NDUFAF6: variants seen among roughly 807,000 people sequenced by gnomAD.
The protein encoded by NDUFAF6 is NADH:ubiquinone oxidoreductase complex assembly factor 6.
Under a neutral mutation model 40.8 loss-of-function variants are expected in NDUFAF6, and 45 were observed. The ratio of observed to expected loss-of-function variants is 1.10; its 90% CI spans 0.87 to 1.42. The LOEUF (loss-of-function observed/expected upper bound fraction) is 1.42. Ranked by LOEUF, NDUFAF6 falls within the 40% of genes most tolerant of loss-of-function variation. The pLI, the probability that NDUFAF6 is intolerant of heterozygous loss-of-function variation, is 0.00. For synonymous variants in NDUFAF6, 185 were observed against 155.9 expected (o/e 1.19, Z -1.39); for missense variants, 435 against 418.5 (o/e 1.04, Z -0.34).
intron 8 of NDUFAF6, among the ~76,000 whole-genome samples, chr8:95,053,384 TATCTGATGGATATACC>T (rs1307150886): frequency 6.6e-6 from 1 of 152,208 alleles, no homozygotes; most frequent in Admixed American, 6.5e-5. Context: ...GTTTAGTGGT[TATCTGATGGATATACC>T]ATCAGCTGTT....
chr8:95,101,594 A>G (rs1809650469), intron 2 of NDUFAF6, among the ~76,000 whole-genome samples: 1 of 152,168 alleles, frequency 6.6e-6, no homozygotes, highest in African/African-American at 2.4e-5. Context: ...AAATTATATT[A>G]CAGTCATATA....
intron 2 of NDUFAF6, among the ~76,000 whole-genome samples, chr8:94,994,561 C>T (rs949894609): frequency 2.1e-4 from 32 of 151,770 alleles, no homozygotes; most frequent in East Asian, 1.9e-4. Flanking sequence ...AGATGGACTT[C>T]GGTGGCTCAT....
chr8:95,092,410 G>A (rs1441784183), intron 2 of NDUFAF6, among the ~76,000 whole-genome samples: 1 of 151,740 alleles, frequency 6.6e-6, no homozygotes, highest in African/African-American at 2.4e-5. Context: ...TTGAACTCCT[G>A]ATCTCAAGTG....
At chr8:95,033,665 G>A (rs1468743070) in intron 2 of NDUFAF6, among the ~76,000 whole-genome samples, 1 of 152,200 alleles carries the variant, frequency 6.6e-6, no homozygotes, top group Non-Finnish European at 1.5e-5. Context: ...CCTATTTTAT[G>A]TAGGATGGTT....
intron 1 of NDUFAF6, among the ~76,000 whole-genome samples, chr8:95,030,564 G>A (rs188977305): frequency 1.1e-4 from 17 of 152,242 alleles, no homozygotes; most frequent in Admixed American, 3.9e-4. Context: ...TGAAATTGCT[G>A]TGGACTTGGC....
At chr8:95,073,223 G>A (rs1832927682) in intron 9 of NDUFAF6, 1 of 152,514 alleles carries the variant, frequency 6.6e-6, no homozygotes, top group East Asian at 2.0e-4. Flanking sequence ...CTTTAGGCGG[G>A]TCCCCTAGGT....
chr8:95,046,558 T>C (rs1289900837), intron 5 of NDUFAF6, among the ~76,000 whole-genome samples: 1 of 152,212 alleles, frequency 6.6e-6, no homozygotes, highest in African/African-American at 2.4e-5. Context: ...AAGTCCCCAT[T>C]GCATCTCCCA....
rs969648157 is a variant in NDUFAF6 at position 95,036,319 on chromosome 8, T to C, written c.420+743T>C. 2.6e-5 allele frequency: 34 copies of C among 1,285,892 alleles called. No individual in the cohort carries two copies. In the African/African-American group the frequency reaches 3.7e-4, roughly 14 times the overall value. The allele number at this position is 1,285,892 out of a possible 1,614,324, so 79.7% of individuals were successfully genotyped here. A position where few individuals can be genotyped will look rare whatever the true frequency, so the allele number is the denominator to read the frequency against. The stretch of plus-strand genomic sequence containing the variant: ...TAATGCAGTGATTGCCAAAAGAGGG[T>C]TTCTGTAACAGGAGCCACCCACAGA... On this transcript the variant is annotated intron_variant, in intron 3 of 8. Coordinates refer to ENST00000396124, the MANE Select transcript of NDUFAF6 (RefSeq NM_152416.4).
intron 1 of NDUFAF6, among the ~76,000 whole-genome samples, chr8:94,939,037 C>A (rs1821266058): frequency 6.6e-6 from 1 of 152,164 alleles, no homozygotes; most frequent in South Asian, 2.1e-4. Context: ...TGCTGGAGGA[C>A]TGTTTGCCTG....
At chr8:94,967,969 C>T (rs1186273448) in intron 1 of NDUFAF6, among the ~76,000 whole-genome samples, 2 of 150,562 alleles carry the variant, frequency 1.3e-5, no homozygotes, top group African/African-American at 4.9e-5. Flanking sequence ...TCAGCTGGGG[C>T]TACAGTCATC....
chr8:95,005,535 A>G (rs1826927662), intron 2 of NDUFAF6, among the ~76,000 whole-genome samples: 1 of 132,414 alleles, frequency 7.6e-6, no homozygotes, highest in Non-Finnish European at 1.6e-5. Context: ...AAATATATAT[A>G]TATATATATA....
intron 1 of NDUFAF6, chr8:94,931,982 A>G: frequency 7.4e-7 from 1 of 1,354,850 alleles, no homozygotes; most frequent in East Asian, 2.5e-5. Flanking sequence ...AAAAAAAGAA[A>G]GAAAGTCATT....
rs750580330 is a variant in NDUFAF6, at chr8:95,052,225, C to G, written c.868C>G (p.Gln290Glu). ...VPVKAFPAFL[Q>E]TVSLEDFLKK... ...TGTGAAAGCATTTCCTGCTTTTCTT[C>G]AGACGGTAAGTAGATTAACAGAGAA... Residue 290 changes from glutamine (Q) to glutamate (E), a missense_variant, in exon 8 of 9, where the codon CAG (glutamine) becomes GAG (glutamate). Transcript: ENST00000396124. 1 of 1,613,972 alleles carries G rather than the reference C, an allele frequency of 6.2e-7. No homozygotes were observed. The highest frequency in any genetic ancestry group is 8.5e-7 in the Non-Finnish European group (1 of 1,179,886).
At chr8:95,066,772 C>G (rs774960114) in intron 9 of NDUFAF6, 1 of 152,212 alleles carries the variant, frequency 6.6e-6, no homozygotes, top group Non-Finnish European at 1.5e-5. Flanking sequence ...AGTTAGCACG[C>G]TTCTGAGCAA....
exon 5 of NDUFAF6, chr8:95,115,536 T>G (rs1304518457): frequency 1.3e-5 from 2 of 151,388 alleles, no homozygotes; most frequent in Non-Finnish European, 2.9e-5. Context: ...TTTTTTTCAG[T>G]CCTTGAAACT....
At chr8:94,927,629 C>T (rs1820009065) in intron 1 of NDUFAF6, 4 of 152,060 alleles carry the variant, frequency 2.6e-5, no homozygotes, top group Admixed American at 1.3e-4. Context: ...TTTCACCTTA[C>T]AGTGCAGTAC....
At chr8:95,118,288 A>C (rs1235179594), downstream of NDUFAF6, among the ~76,000 whole-genome samples, 1 of 152,230 alleles carries the variant, frequency 6.6e-6, no homozygotes, top group African/African-American at 2.4e-5. Flanking sequence ...GATGTCCTGG[A>C]ACATCCTTGC....
At chr8:95,049,962 GC>G (rs1478438379) in intron 7 of NDUFAF6, among the ~76,000 whole-genome samples, 2 of 152,174 alleles carry the variant, frequency 1.3e-5, no homozygotes, top group African/African-American at 2.4e-5. Flanking sequence ...CAGATTGTAA[GC>G]TCTTTGAGGG....
At chr8:94,909,640 T>A (rs925246422) in intron 1 of NDUFAF6, among the ~76,000 whole-genome samples, 10 of 150,548 alleles carry the variant, frequency 6.6e-5, no homozygotes, top group South Asian at 2.1e-4. Context: ...CAAAAAAAAA[T>A]TTTTTTCAAA....
Sources: gnomAD v4.1 joint callset for allele counts (sites outside exome capture counted in the v4.1 genomes callset) on GRCh38, gnomAD v4.1.1 for gene constraint, MANE v1.5 for transcripts, NCBI Gene and HGNC (gene_info 2026-07-23, HGNC 2026-07-21) for gene names.